QPCT: variants seen among roughly 807,000 people sequenced by gnomAD.
QPCT encodes EC.
A neutral mutation model predicts 43.4 loss-of-function variants in QPCT; 44 were observed. That is an observed-to-expected ratio of 1.01 (90% confidence interval 0.80 to 1.30). The LOEUF (loss-of-function observed/expected upper bound fraction) is 1.30, where lower values mean the gene tolerates loss of function less well. QPCT is among the 50% of genes most tolerant of loss of function. QPCT has a pLI of 0.00. For synonymous variants in QPCT, 168 were observed against 168.4 expected (o/e 1.00, Z 0.02); for missense variants, 526 against 436.5 (o/e 1.21, Z -1.83).
At chr2:37,370,277 A>G (rs935340892) in intron 5 of QPCT, among the ~76,000 whole-genome samples, 2 of 152,148 alleles carry the variant, frequency 1.3e-5, no homozygotes, top group African/African-American at 4.8e-5. Context: ...TTAGTTTATT[A>G]TTCTTTTCAT....
chr2:37,346,521 G>T (rs573893755), intron 1 of QPCT, among the ~76,000 whole-genome samples: 1 of 152,208 alleles, frequency 6.6e-6, no homozygotes, highest in Non-Finnish European at 1.5e-5. Flanking sequence ...GTAGGTGTGT[G>T]TAGGCAGGGG....
intron 2 of QPCT, among the ~76,000 whole-genome samples, chr2:37,353,370 A>T (rs889657252): frequency 6.6e-6 from 1 of 152,148 alleles, no homozygotes; most frequent in Non-Finnish European, 1.5e-5. Flanking sequence ...AAGGCTGGTG[A>T]TAAGCTAGCC....
In QPCT at chr2:37,357,242, G is replaced by A. The variant is rs368132892; in HGVS notation, c.268-2338G>A. 6.6e-5 allele frequency among the ~76,000 whole-genome samples: 10 copies of A among 151,012 alleles called. No homozygotes were observed. The South Asian group carries it at 1.0e-3, about 16-fold the overall frequency. On this transcript the variant is annotated intron_variant, in intron 2 of 6. Transcript: ENST00000338415. ...GGTGTTGAAGAAGCCATTTTATGGA[G>A]CATTTTATCATCTGGATACCAGATG...
chr2:37,362,844 T>C (rs1287882201), intron 3 of QPCT, among the ~76,000 whole-genome samples: 1 of 152,208 alleles, frequency 6.6e-6, no homozygotes, highest in Non-Finnish European at 1.5e-5. Context: ...AGAGTGTTTC[T>C]AAGTCTGTCT....
At chr2:37,358,211 G>A (rs116660600) in intron 2 of QPCT, among the ~76,000 whole-genome samples, 1 of 151,248 alleles carries the variant, frequency 6.6e-6, no homozygotes, top group Non-Finnish European at 1.5e-5. Flanking sequence ...CCAGGAGTTT[G>A]AGACCAGCCC....
intron 5 of QPCT, among the ~76,000 whole-genome samples, chr2:37,371,448 A>AG (rs1293319734): frequency 1.3e-5 from 2 of 151,522 alleles, no homozygotes; most frequent in African/African-American, 4.8e-5. Context: ...AAAAAAAAAA[A>AG]AAAAGAAAAA....
Position 37,372,941 on chromosome 2 carries a change from T to TGTTTC in QPCT, c.*114_*115insGTTTC. On this transcript the variant is annotated 3_prime_UTR_variant, in exon 7 of 7. Coordinates refer to ENST00000338415, the MANE Select transcript of QPCT (RefSeq NM_012413.4). ...TGTGTGGAAACATCTATCCTATAGA[T>TGTTTC]CATCCTATTCTTATGTGTCTTTGGT... 1.1e-6 allele frequency: 1 copy of TGTTTC among 881,838 alleles called. No homozygotes were observed. The highest frequency in any genetic ancestry group is 1.7e-6 in the Non-Finnish European group (1 of 602,690). The allele number at this position is 881,838 out of a possible 1,614,324, so 54.6% of individuals were successfully genotyped here.
At chr2:37,362,016 A>T (rs1298565367) in intron 3 of QPCT, among the ~76,000 whole-genome samples, 3 of 152,202 alleles carry the variant, frequency 2.0e-5, no homozygotes, top group Non-Finnish European at 4.4e-5. Flanking sequence ...AGGTTGCCTC[A>T]TGGGACTCAG....
intron 2 of QPCT, among the ~76,000 whole-genome samples, chr2:37,356,982 G>C (rs1285101054): frequency 6.6e-6 from 1 of 151,204 alleles, no homozygotes; most frequent in African/African-American, 2.4e-5. Context: ...ACTCCAGCCT[G>C]GCGACAGAGT....
chr2:37,365,217 T>C (rs1408818415), intron 3 of QPCT, among the ~76,000 whole-genome samples: 1 of 151,890 alleles, frequency 6.6e-6, no homozygotes, highest in Non-Finnish European at 1.5e-5. Flanking sequence ...TGAGGCTCTC[T>C]AGTGTGAAGA....
rs114410268 is a variant in QPCT, at chr2:37,372,772, T to C, written c.1031T>C (p.Ile344Thr). Residue 344 changes from isoleucine (I) to threonine (T), a missense_variant, in exon 7 of 7, where the codon ATT becomes ACT. Coordinates refer to ENST00000338415, the MANE Select transcript of QPCT (RefSeq NM_012413.4). ...DNEENLDEST[I>T]DNLNKILQVF... ...GAAGAAAATTTGGATGAATCAACCA[T>C]TGACAATCTAAACAAAATCCTACAA... The C allele has an allele frequency of 1.2e-5, 19 of 1,613,192 alleles. No individual in the cohort carries two copies. In the East Asian group the frequency reaches 3.3e-4, roughly 28 times the overall value.
intron 3 of QPCT, chr2:37,360,141 A>G: frequency 2.5e-6 from 1 of 399,788 alleles, no homozygotes; most frequent in Non-Finnish European, 4.5e-6. Context: ...TGAAGGAGGA[A>G]GTTTGTTTCA....
At chr2:37,364,055 T>A (rs560950309) in intron 3 of QPCT, among the ~76,000 whole-genome samples, 4 of 152,242 alleles carry the variant, frequency 2.6e-5, no homozygotes, top group Non-Finnish European at 5.9e-5. Flanking sequence ...AATAGAAACT[T>A]TGGGAGCTAG....
chr2:37,368,670 C>G (rs1271076347), intron 4 of QPCT: 1 of 471,160 alleles, frequency 2.1e-6, no homozygotes, highest in South Asian at 1.5e-5. Context: ...GTCAGCATAT[C>G]ATTCATTCAC....
intron 2 of QPCT, among the ~76,000 whole-genome samples, chr2:37,354,037 G>A (rs1385562248): frequency 6.6e-6 from 1 of 152,198 alleles, no homozygotes; most frequent in East Asian, 1.9e-4. Flanking sequence ...GCTAATTTTT[G>A]TATTTTTAGT....
intron 1 of QPCT, among the ~76,000 whole-genome samples, chr2:37,346,164 T>C (rs760128941): frequency 2.6e-5 from 4 of 152,226 alleles, no homozygotes; most frequent in Non-Finnish European, 4.4e-5. Flanking sequence ...CCATTTCAAT[T>C]CTTCGGATCT....
At chr2:37,349,149 G>A (rs749522888) in intron 1 of QPCT, among the ~76,000 whole-genome samples, 1 of 152,204 alleles carries the variant, frequency 6.6e-6, no homozygotes, top group Non-Finnish European at 1.5e-5. Context: ...CTGTCCTTCA[G>A]TTACTGGGAA....
At chr2:37,348,413 A>AT (rs1307832781) in intron 1 of QPCT, among the ~76,000 whole-genome samples, 8 of 152,214 alleles carry the variant, frequency 5.3e-5, no homozygotes, top group South Asian at 2.1e-4. Flanking sequence ...CCCCCACTGA[A>AT]TTTTTTATAT....
chr2:37,366,260 G>A (rs1405976809), intron 3 of QPCT, among the ~76,000 whole-genome samples: 1 of 152,176 alleles, frequency 6.6e-6, no homozygotes, highest in Non-Finnish European at 1.5e-5. Flanking sequence ...TGTAAAATCA[G>A]TTAGAATCCT....
Sources: allele counts gnomAD v4.1 joint callset (sites outside exome capture counted in the v4.1 genomes callset), GRCh38; gene constraint gnomAD v4.1.1; transcripts MANE v1.5; gene names NCBI Gene and HGNC (gene_info 2026-07-23, HGNC 2026-07-21).